ITSN2: variants seen among roughly 807,000 people sequenced by gnomAD.
ITSN2 encodes the protein intersectin-2.
Under a neutral mutation model 243.7 loss-of-function variants are expected in ITSN2, and 156 were observed. The ratio of observed to expected loss-of-function variants is 0.64; its 90% CI spans 0.56 to 0.73. The LOEUF is 0.73. ITSN2 is among the 30% of genes least tolerant of loss of function. The pLI is 0.00. For synonymous variants in ITSN2, 703 were observed against 699.9 expected (o/e 1.00, Z -0.07); for missense variants, 1,801 against 1,996.1 (o/e 0.90, Z 1.86).
chr2:24,215,912 C>A, intron 32 of ITSN2, 137 bp downstream of exon 32: 1 of 562,294 alleles, frequency 1.8e-6, no homozygotes, highest in Non-Finnish European at 2.9e-6. Flanking sequence ...TCGGAAAATT[C>A]TCTGCCGTTT....
intron 39 of ITSN2, 64 bp from the exon 40 acceptor site, chr2:24,203,847 T>C: frequency 6.6e-7 from 1 of 1,504,020 alleles, no homozygotes; most frequent in Non-Finnish European, 9.0e-7. Flanking sequence ...AAGAGCTACA[T>C]CCGGAAGAAG....
chr2:24,288,200 T>C (rs1334497414), intron 15 of ITSN2, among the ~76,000 whole-genome samples: 1 of 152,126 alleles, frequency 6.6e-6, no homozygotes, highest in Non-Finnish European at 1.5e-5. Context: ...TTTTTGAGTA[T>C]GGTATAAGGC....
intron 20 of ITSN2, among the ~76,000 whole-genome samples, chr2:24,263,161 A>G (rs1676132389): frequency 6.6e-6 from 1 of 152,224 alleles, no homozygotes; most frequent in African/African-American, 2.4e-5. Context: ...ACATAAGTAT[A>G]TGTACTTACT....
intron 29 of ITSN2, chr2:24,239,297 T>G (rs957112551): frequency 6.6e-6 from 1 of 152,444 alleles, no homozygotes; most frequent in Non-Finnish European, 1.5e-5. Flanking sequence ...TCTCTACTTT[T>G]CTTTCCCCCA....
chr2:24,347,875 C>G (rs540921581), intron 1 of ITSN2, among the ~76,000 whole-genome samples: 20 of 152,114 alleles, frequency 1.3e-4, no homozygotes, highest in Admixed American at 1.2e-3. Context: ...GAGTTCAAGA[C>G]CAGCCTAGGA....
At position 24,246,304 on chromosome 2, in the gene ITSN2, A is replaced by G. The variant is rs145637709; in HGVS notation, c.3402T>C (p.Ala1134=). Residue 1134 remains alanine, a synonymous_variant, in exon 29 of 40, where the codon GCT becomes GCC. Transcript: ENST00000355123. ...PAFHPVCQVI[A]MYDYAANNED... is the part of the protein sequence containing the mutation. ...CATTATTTGCTGCATAGTCATACAT[A>G]GCAATCACCTGACATACTATCACAA... is the stretch of plus-strand genomic sequence containing the variant. The G allele has an allele frequency of 4.4e-6, 7 of 1,604,282 alleles. No homozygotes were observed. The African/African-American group carries it at 5.4e-5, about 12-fold the overall frequency.
intron 1 of ITSN2, among the ~76,000 whole-genome samples, chr2:24,342,399 A>G (rs569475948): frequency 1.1e-4 from 16 of 151,374 alleles, no homozygotes; most frequent in Admixed American, 6.6e-4. Context: ...CAGTCTCCCT[A>G]TGTTGCCCAG....
chr2:24,209,662 G>A (rs1460766153), intron 35 of ITSN2, among the ~76,000 whole-genome samples, 156 bp downstream of exon 35: 2 of 152,324 alleles, frequency 1.3e-5, no homozygotes, highest in Admixed American at 6.5e-5. Context: ...GCTGCATGGG[G>A]CCCTTCCCGT....
At chr2:24,253,758 T>G (rs1674664560) in intron 24 of ITSN2, among the ~76,000 whole-genome samples, 1 of 152,236 alleles carries the variant, frequency 6.6e-6, no homozygotes, top group Non-Finnish European at 1.5e-5. Flanking sequence ...TAAACTGATA[T>G]TTTTAGCAAA....
intron 29 of ITSN2, among the ~76,000 whole-genome samples, chr2:24,236,661 GTGTTT>G (rs1672184264): frequency 9.0e-6 from 1 of 110,922 alleles, no homozygotes; most frequent in Non-Finnish European, 1.8e-5. Context: ...GATTTTTCCT[GTGTTT>G]TTTTTTCTTT....
intron 29 of ITSN2, 23 bp from the exon 30 acceptor site, chr2:24,221,089 T>TA: frequency 6.3e-7 from 1 of 1,595,550 alleles, no homozygotes; most frequent in Non-Finnish European, 8.5e-7. Context: ...CAGGGTAGTT[T>TA]AAAATATTAC....
chr2:24,351,296 G>C (rs971478481), intron 1 of ITSN2, among the ~76,000 whole-genome samples: 1 of 152,146 alleles, frequency 6.6e-6, no homozygotes, highest in Non-Finnish European at 1.5e-5. Flanking sequence ...GCTTCTATTA[G>C]ACTGTGAGCT....
intron 8 of ITSN2, among the ~76,000 whole-genome samples, chr2:24,305,461 T>C (rs1235008023): frequency 2.0e-5 from 3 of 149,558 alleles, no homozygotes; most frequent in Admixed American, 6.8e-5. Context: ...CTGGGCGTGG[T>C]GGCGTGTGCC....
chr2:24,313,177 G>A (rs547149615), intron 4 of ITSN2, among the ~76,000 whole-genome samples: 3 of 148,752 alleles, frequency 2.0e-5, no homozygotes, highest in Non-Finnish European at 4.4e-5. Flanking sequence ...CTGAATTCCT[G>A]GGCTCAAGCA....
chr2:24,205,692 T>C (rs1351500191), intron 37 of ITSN2: 2 of 222,154 alleles, frequency 9.0e-6, no homozygotes, highest in African/African-American at 2.2e-5. Context: ...GCATGGACTG[T>C]TTCGATCATC....
intron 20 of ITSN2, among the ~76,000 whole-genome samples, chr2:24,267,733 T>G (rs1676845117): frequency 6.6e-6 from 1 of 152,182 alleles, no homozygotes; most frequent in Non-Finnish European, 1.5e-5. Flanking sequence ...TTTTTTTTAC[T>G]TTTTGTAGAA....
intron 1 of ITSN2, among the ~76,000 whole-genome samples, chr2:24,353,671 G>A (rs1688209045): frequency 6.6e-6 from 1 of 152,146 alleles, no homozygotes; most frequent in Non-Finnish European, 1.5e-5. Context: ...TACAGCCCAT[G>A]GGAATACGTA....
chr2:24,209,099 C>T lies in ITSN2; in HGVS notation c.4595+1G>A. ...GCAGGCCACACATGGTCAGGACTGA[C>T]CTCTCATTAATGTTGTCTGTTCGGA... is the stretch of plus-strand genomic sequence containing the variant. On this transcript the variant is annotated splice_donor_variant, in intron 36 of 39. Coordinates refer to ENST00000355123, the MANE Select transcript of ITSN2 (RefSeq NM_006277.3). LOFTEE classifies it high-confidence loss of function. 6.2e-7 allele frequency: 1 copy of T among 1,613,970 alleles called. No homozygotes were observed. The highest frequency in any genetic ancestry group is 8.5e-7 in the Non-Finnish European group (1 of 1,179,930).
At chr2:24,207,444 G>A (rs1354065454) in intron 37 of ITSN2, among the ~76,000 whole-genome samples, 3 of 152,168 alleles carry the variant, frequency 2.0e-5, no homozygotes, top group African/African-American at 7.2e-5. Flanking sequence ...TGTGATGTGG[G>A]AGCAGCGGGG....
Sources: allele counts gnomAD v4.1 joint callset (sites outside exome capture counted in the v4.1 genomes callset), GRCh38; gene constraint gnomAD v4.1.1; transcripts MANE v1.5; gene names NCBI Gene and HGNC (gene_info 2026-07-23, HGNC 2026-07-21).